NBAS: variants seen among roughly 807,000 people sequenced by gnomAD.
NBAS encodes NAG/BC035112 fusion.
NBAS carries 219 observed loss-of-function variants against 302.5 expected under a neutral mutation model. The ratio of observed to expected loss-of-function variants is 0.72; its 90% CI spans 0.65 to 0.81. The LOEUF (loss-of-function observed/expected upper bound fraction) is 0.81, where lower values mean the gene tolerates loss of function less well. Ranked by LOEUF, NBAS falls within the 30% of genes least tolerant of loss-of-function variation. NBAS has a pLI of 0.00. For synonymous variants in NBAS, 1,118 were observed against 1,021.6 expected (o/e 1.09, Z -1.80); for missense variants, 2,932 against 2,841.6 (o/e 1.03, Z -0.72).
chr2:15,263,825 CAT>C (rs1668956190), intron 44 of NBAS, among the ~76,000 whole-genome samples: 1 of 152,076 alleles, frequency 6.6e-6, no homozygotes, highest in Non-Finnish European at 1.5e-5. Flanking sequence ...ATTTGTTTAC[CAT>C]CCCCATTTAT....
chr2:15,478,773 C>G (rs564707320), intron 12 of NBAS, among the ~76,000 whole-genome samples: 1 of 152,228 alleles, frequency 6.6e-6, no homozygotes, highest in East Asian at 1.9e-4. Flanking sequence ...AAAATATAAC[C>G]ATGCAGTCCT....
At chr2:15,422,173 G>A (rs1677244664) in intron 23 of NBAS, among the ~76,000 whole-genome samples, 1 of 152,104 alleles carries the variant, frequency 6.6e-6, no homozygotes, top group Admixed American at 6.5e-5. Context: ...TCTTTTCACT[G>A]ACTCCATAGT....
In NBAS at chr2:15,491,072, C is replaced by T. The variant is rs530442290; in HGVS notation, c.955-2050G>A. ...ATAGTATTTTTTAATTTTTAAAAAACTTCTTCCCTCTTGATAGGGTTCAGG... is the reference window on the plus strand; with the variant it reads ...ATAGTATTTTTTAATTTTTAAAAAATTTCTTCCCTCTTGATAGGGTTCAGG... On this transcript the variant is annotated intron_variant, in intron 11 of 51. Transcript: ENST00000281513. Among the ~76,000 whole-genome samples, 87 of 152,228 alleles carry T rather than the reference C, an allele frequency of 5.7e-4. 2 individuals are homozygous for T. In the South Asian group the frequency reaches 0.013, roughly 23 times the overall value.
At chr2:15,231,349 A>G (rs1254121016) in intron 47 of NBAS, among the ~76,000 whole-genome samples, 2 of 152,110 alleles carry the variant, frequency 1.3e-5, no homozygotes, top group Non-Finnish European at 2.9e-5. Flanking sequence ...AGCTCATTCT[A>G]TATTCTGTCA....
At chr2:15,317,712 GAAAC>G (rs1021528127) in intron 38 of NBAS, among the ~76,000 whole-genome samples, 10 of 152,240 alleles carry the variant, frequency 6.6e-5, no homozygotes, top group African/African-American at 1.9e-4. Flanking sequence ...AGAGTAAAAA[GAAAC>G]AAACAAAGCC....
chr2:14,976,765 A>G, the NBAS span, among the ~76,000 whole-genome samples: 1 of 152,218 alleles, frequency 6.6e-6, no homozygotes, highest in African/African-American at 2.4e-5. Context: ...GAGGACAGAC[A>G]CAGAGGAGAA....
intron 48 of NBAS, among the ~76,000 whole-genome samples, chr2:15,215,651 G>A (rs1290415878): frequency 6.6e-6 from 1 of 152,196 alleles, no homozygotes; most frequent in African/African-American, 2.4e-5. Context: ...GTCAATACTT[G>A]GGGATCTTCT....
intron 27 of NBAS, among the ~76,000 whole-genome samples, chr2:15,394,591 G>T (rs1675775785): frequency 6.6e-6 from 1 of 152,048 alleles, no homozygotes; most frequent in Non-Finnish European, 1.5e-5. Context: ...CATACTAAAA[G>T]AAAGCATAAC....
chr2:15,333,290 A>G (rs1477443238), intron 35 of NBAS, among the ~76,000 whole-genome samples: 1 of 152,168 alleles, frequency 6.6e-6, no homozygotes, highest in Non-Finnish European at 1.5e-5. Context: ...ATCTTAAGTG[A>G]CTCAGCAAAG....
chr2:15,329,331 T>C (rs1672215147), intron 36 of NBAS, among the ~76,000 whole-genome samples: 1 of 152,154 alleles, frequency 6.6e-6, no homozygotes, highest in African/African-American at 2.4e-5. Context: ...AGGTCTCCTC[T>C]TTCTTCCACA....
chr2:14,787,939 C>T, the NBAS span, among the ~76,000 whole-genome samples: 7 of 152,158 alleles, frequency 4.6e-5, no homozygotes, highest in Admixed American at 6.5e-5. Flanking sequence ...TTCCATTCTC[C>T]CTGTCACTTT....
At position 15,415,733 on chromosome 2, in the gene NBAS, C is replaced by G; in HGVS notation, c.2764-14G>C. ...ATCCTCAGAACACTGAAAGTACAAT[C>G]AAGCAAAACAGACAAACAAGAATGA... is the stretch of plus-strand genomic sequence containing the variant. On this transcript the variant is annotated splice_polypyrimidine_tract_variant and intron_variant, in intron 24 of 51. Transcript: ENST00000281513. 1 of 1,613,976 alleles carries G rather than the reference C, an allele frequency of 6.2e-7. No homozygotes were observed. The highest frequency in any genetic ancestry group is 1.6e-4 in the Middle Eastern group (1 of 6,062).
intron 11 of NBAS, among the ~76,000 whole-genome samples, chr2:15,495,601 C>T (rs1355884120): frequency 1.3e-5 from 2 of 152,022 alleles, no homozygotes; most frequent in African/African-American, 2.4e-5. Context: ...AACAGATAAA[C>T]CTAAGCCAGA....
At chr2:15,389,931 A>C (rs1675504593) in intron 28 of NBAS, among the ~76,000 whole-genome samples, 1 of 152,178 alleles carries the variant, frequency 6.6e-6, no homozygotes, top group South Asian at 2.1e-4. Context: ...AGACTTCTGG[A>C]GTCCCTGCAT....
At chr2:15,032,421 A>G in the NBAS span, among the ~76,000 whole-genome samples, 1 of 152,238 alleles carries the variant, frequency 6.6e-6, no homozygotes, top group African/African-American at 2.4e-5. Context: ...AACTTTGCCC[A>G]ATTTTATTTA....
intron 21 of NBAS, among the ~76,000 whole-genome samples, chr2:15,429,066 G>A (rs566441491): frequency 4.2e-4 from 63 of 148,276 alleles, no homozygotes; most frequent in Non-Finnish European, 8.7e-4. Flanking sequence ...AAATTTAAAC[G>A]GAAAAGCAAG....
intron 8 of NBAS, among the ~76,000 whole-genome samples, chr2:15,534,923 A>C (rs1184509000): frequency 6.6e-6 from 1 of 152,320 alleles, no homozygotes; most frequent in East Asian, 1.9e-4. Flanking sequence ...ATCCATAAAG[A>C]CTTGTACAAG....
chr2:14,931,470 C>T, the NBAS span, among the ~76,000 whole-genome samples: 2 of 152,146 alleles, frequency 1.3e-5, no homozygotes, highest in Admixed American at 1.3e-4. Context: ...CCTGGGTATC[C>T]TACTGCACCA....
chr2:15,278,401 C>T (rs369269776), intron 42 of NBAS, among the ~76,000 whole-genome samples: 29 of 152,266 alleles, frequency 1.9e-4, no homozygotes, highest in African/African-American at 6.7e-4. Context: ...GCTGAATATC[C>T]TTCTATTCTG....
Sources: allele counts gnomAD v4.1 joint callset (sites outside exome capture counted in the v4.1 genomes callset), GRCh38; gene constraint gnomAD v4.1.1; transcripts MANE v1.5; gene names NCBI Gene and HGNC (gene_info 2026-07-23, HGNC 2026-07-21).